The following SHC4 variants were observed in gnomAD, a reference collection of about 807,000 sequenced individuals.
The protein encoded by SHC4 is SHC adaptor protein 4.
Under a neutral mutation model 69.4 loss-of-function variants are expected in SHC4, and 41 were observed. That is an observed-to-expected ratio of 0.59 (90% CI 0.46 to 0.77). The LOEUF is 0.77. Among genes scored for constraint, SHC4 ranks in the 30% least tolerant of loss-of-function variants. The probability of loss-of-function intolerance (pLI) is 0.00; values close to 1 mark genes in which losing one functional copy is unlikely to be tolerated. For missense variants in SHC4, 777 were observed against 783.8 expected (o/e 0.99, Z 0.10); for synonymous variants, 318 against 299.3 (o/e 1.06, Z -0.64).
At chr15:48,928,801 G>A (rs986345208) in intron 1 of SHC4, among the ~76,000 whole-genome samples, 8 of 152,274 alleles carry the variant, frequency 5.3e-5, no homozygotes, top group Non-Finnish European at 8.8e-5. Flanking sequence ...CTGTTGCAGG[G>A]AATATGGCAG....
chr15:48,834,167 C>T (rs1898858361), intron 11 of SHC4, among the ~76,000 whole-genome samples: 1 of 152,162 alleles, frequency 6.6e-6, no homozygotes, highest in Non-Finnish European at 1.5e-5. Context: ...GCATTCTTTG[C>T]TACTGTCATT....
At position 48,962,810 on chromosome 15, in the gene SHC4, G is replaced by T; in HGVS notation, c.206C>A (p.Thr69Asn). The change falls in exon 1 of 12, where the codon ACT (threonine) becomes AAT (asparagine). Residue 69 changes from threonine (T) to asparagine (N), a missense_variant. Thr to Asn is a moderately conservative substitution (Grantham distance 65, BLOSUM62 0). Coordinates refer to ENST00000332408, the MANE Select transcript of SHC4 (RefSeq NM_203349.4). ...CTGCGACGGCAAGGTGGCATCTTCA[G>T]TCGGCAGGTGAGGTGCCAGGGCGGG... ...PHPALAPHLP[T>N]EDATLPSQES... 6.2e-7 allele frequency: 1 copy of T among 1,612,646 alleles called. No homozygotes were observed. Among genetic ancestry groups the T allele is most frequent in the Non-Finnish European group, 8.5e-7 (1 of 1,179,920 alleles).
At chr15:48,872,212 A>C (rs765757193) in intron 4 of SHC4, 70 bp from the exon 5 acceptor site, 13 of 921,190 alleles carry the variant, frequency 1.4e-5, no homozygotes, top group Non-Finnish European at 2.1e-5. Context: ...TCTAACAGTA[A>C]TAGACATACA....
chr15:48,842,165 T>G (rs1899004612), intron 10 of SHC4, among the ~76,000 whole-genome samples: 1 of 152,252 alleles, frequency 6.6e-6, no homozygotes, highest in African/African-American at 2.4e-5. Context: ...TATTTTTATT[T>G]ATGTTCCTGT....
chr15:48,924,976 A>C (rs1178648777), intron 1 of SHC4, 27 bp from the exon 2 acceptor site: 2 of 1,612,562 alleles, frequency 1.2e-6, no homozygotes, highest in Non-Finnish European at 8.5e-7. Context: ...AAAAAGAAGA[A>C]GTAGGACAAA....
intron 2 of SHC4, among the ~76,000 whole-genome samples, chr15:48,895,645 C>T (rs1900209338): frequency 6.6e-6 from 1 of 152,038 alleles, no homozygotes; most frequent in Non-Finnish European, 1.5e-5. Flanking sequence ...TGGGCAAACA[C>T]ATATGAGTGT....
intron 1 of SHC4, among the ~76,000 whole-genome samples, chr15:48,948,316 A>G (rs1000837968): frequency 6.6e-6 from 1 of 152,254 alleles, no homozygotes; most frequent in Non-Finnish European, 1.5e-5. Context: ...CTATACAACA[A>G]AGCATTTACA....
In SHC4 at chr15:48,877,377, T is replaced by C. The variant is rs1899827233; in HGVS notation, c.841-5235A>G. 2.7e-5 allele frequency: 24 copies of C among 888,734 alleles called. No individual in the cohort carries two copies. In the South Asian group the frequency reaches 9.8e-4, roughly 36 times the overall value. The allele number at this position is 888,734 out of a possible 1,614,324, so 55.1% of individuals were successfully genotyped here. A position where few individuals can be genotyped will look rare whatever the true frequency, so the allele number is the denominator to read the frequency against. Reference sequence around the variant, plus strand: ...GAAATAAAGTGCAGAATAAATGAAATGTGCTTGAATCCTGTAAGTATACAC... The same window carrying C: ...GAAATAAAGTGCAGAATAAATGAAACGTGCTTGAATCCTGTAAGTATACAC... On this transcript the variant is annotated intron_variant, in intron 4 of 11. Transcript: ENST00000332408.
chr15:48,825,846 G>T lies in SHC4; in HGVS notation c.*125C>A. ...TTTATAGAGGACCTGGTCCATGATG[G>T]TCTTGGAAAGATGCACTTCACAGTT... On this transcript the variant is annotated 3_prime_UTR_variant, in exon 12 of 12. Transcript: ENST00000332408. The T allele has an allele frequency of 8.5e-7, 1 of 1,182,836 alleles. No individual in the cohort carries two copies. Among genetic ancestry groups the T allele is most frequent in the Non-Finnish European group, 1.2e-6 (1 of 845,852 alleles). 73.3% of individuals were successfully genotyped at this position (1,182,836 alleles called of 1,614,324 possible). A position where few individuals can be genotyped will look rare whatever the true frequency, so the allele number is the denominator to read the frequency against.
At chr15:48,950,349 G>A (rs1428174995) in intron 1 of SHC4, among the ~76,000 whole-genome samples, 1 of 151,172 alleles carries the variant, frequency 6.6e-6, no homozygotes. Flanking sequence ...CATCTCCTTA[G>A]GAAGCTTTCC....
At position 48,825,802 on chromosome 15, in the gene SHC4, A is replaced by G. The variant is rs949000898; in HGVS notation, c.*169T>C. On this transcript the variant is annotated 3_prime_UTR_variant, in exon 12 of 12. Transcript: ENST00000332408. ...TTCTGATTTTCATTTCTGAAGACTA[A>G]TTTTTGTTAGTTCTTCATTTTATAG... The G allele has an allele frequency of 5.7e-5, 43 of 753,844 alleles. No individual in the cohort carries two copies. Among genetic ancestry groups the G allele is most frequent in the Non-Finnish European group, 6.8e-5 (34 of 497,142 alleles). The allele number at this position is 753,844 out of a possible 1,614,324, so 46.7% of individuals were successfully genotyped here.
intron 4 of SHC4, among the ~76,000 whole-genome samples, chr15:48,875,684 G>C (rs1290153380): frequency 1.3e-5 from 2 of 152,198 alleles, no homozygotes; most frequent in African/African-American, 2.4e-5. Flanking sequence ...TCAAGTCTTT[G>C]AATGATTACA....
Position 48,872,073 on chromosome 15 carries a change from G to T in SHC4, c.894+16C>A, listed in dbSNP as rs757787398. 34 of 1,534,308 alleles carry T rather than the reference G, an allele frequency of 2.2e-5. No homozygotes were observed. The highest frequency in any genetic ancestry group is 2.8e-5 in the Non-Finnish European group (31 of 1,118,760). On this transcript the variant is annotated intron_variant, in intron 5 of 11. Coordinates refer to ENST00000332408, the MANE Select transcript of SHC4 (RefSeq NM_203349.4). ...ATTTTAACTCATAAAAAGAACTTCT[G>T]TGAATCCATACTTACAGGATCCCCT...
At chr15:48,933,031 A>G (rs74458378) in intron 1 of SHC4, among the ~76,000 whole-genome samples, 1,588 of 152,326 alleles carry the variant, frequency 0.01, 34 homozygotes, top group East Asian at 0.092. Context: ...AATTTCCCAA[A>G]AGAATAATCA....
chr15:48,963,030 T>C lies in SHC4; in HGVS notation c.-15A>G. 1 of 1,590,184 alleles carries C rather than the reference T, an allele frequency of 6.3e-7. No homozygotes were observed. The highest frequency in any genetic ancestry group is 1.7e-5 in the Admixed American group (1 of 57,948). On this transcript the variant is annotated 5_prime_UTR_variant, in exon 1 of 12. Transcript: ENST00000332408. ...CGTTCTCGCATAGCCTTGGCAGTGC[T>C]GAAACAGGATACTGTTGCATAAATC...
At chr15:48,921,824 A>T (rs908428732) in intron 2 of SHC4, among the ~76,000 whole-genome samples, 1 of 152,264 alleles carries the variant, frequency 6.6e-6, no homozygotes, top group Admixed American at 6.5e-5. Context: ...ATGATAAAAC[A>T]TGCTTTAGAA....
chr15:48,853,584 A>G (rs1899256866), intron 8 of SHC4, among the ~76,000 whole-genome samples: 1 of 152,228 alleles, frequency 6.6e-6, no homozygotes, highest in African/African-American at 2.4e-5. Flanking sequence ...TCTGACTTCA[A>G]GCTACACTAT....
At chr15:48,960,072 G>A (rs75797989) in intron 1 of SHC4, among the ~76,000 whole-genome samples, 1,836 of 152,302 alleles carry the variant, frequency 0.012, 18 homozygotes, top group Middle Eastern at 0.054. Flanking sequence ...GCTTGTATCG[G>A]ACATCACGGA....
intron 2 of SHC4, among the ~76,000 whole-genome samples, chr15:48,916,351 G>A (rs1349296222): frequency 6.6e-6 from 1 of 151,254 alleles, no homozygotes; most frequent in Non-Finnish European, 1.5e-5. Context: ...AAAGGCATTT[G>A]TCACTGCCTT....
Sources: allele counts gnomAD v4.1 joint callset (sites outside exome capture counted in the v4.1 genomes callset), GRCh38; gene constraint gnomAD v4.1.1; transcripts MANE v1.5; gene names NCBI Gene and HGNC (gene_info 2026-07-23, HGNC 2026-07-21).